The following PIK3CA variants were observed in gnomAD, a reference collection of about 807,000 sequenced individuals.
PIK3CA encodes the protein phosphatidylinositol-4,5-bisphosphate 3-kinase catalytic subunit alpha, also known as phosphatidylinositol 4,5-bisphosphate 3-kinase catalytic subunit alpha isoform.
Under a neutral mutation model 138.2 loss-of-function variants are expected in PIK3CA, and 27 were observed. The observed-to-expected ratio is 0.20, with a 90% CI of 0.14 to 0.27. The LOEUF (loss-of-function observed/expected upper bound fraction) is 0.27, where lower values mean the gene tolerates loss of function less well. Ranked by LOEUF, PIK3CA falls within the 10% of genes least tolerant of loss-of-function variation. The pLI is 1.00. For synonymous variants in PIK3CA, 358 were observed against 413.2 expected, an observed-to-expected ratio of 0.87 and a Z score of 1.62; for missense variants, 544 against 1,277.4, an observed-to-expected ratio of 0.43 and a Z score of 8.75.
At chr3:179,183,377 G>A (rs1723897741) in intron 1 of PIK3CA, among the ~76,000 whole-genome samples, 1 of 151,992 alleles carries the variant, frequency 6.6e-6, no homozygotes, top group African/African-American at 2.4e-5. Context: ...GATAGACTTG[G>A]GGTGTATTCA....
chr3:179,199,733 A>G lies in PIK3CA; in HGVS notation c.396A>G (p.Lys132=). 6.2e-7 allele frequency: 1 copy of G among 1,613,346 alleles called. No homozygotes were observed. The highest frequency in any genetic ancestry group is 8.5e-7 in the Non-Finnish European group (1 of 1,179,414). The change falls in exon 3 of 21, where the codon AAA becomes AAG. Residue 132 remains lysine (K), a synonymous_variant. Transcript: ENST00000263967. ...GMPVCEFDMV[K]DPEVQDFRRN... ...CAGTGTGTGAATTTGATATGGTTAAAGATCCAGAAGTACAGGACTTCCGAA... is the reference window on the plus strand; with the variant it reads ...CAGTGTGTGAATTTGATATGGTTAAGGATCCAGAAGTACAGGACTTCCGAA...
chr3:179,216,791 G>GT (rs1221011089), intron 9 of PIK3CA, among the ~76,000 whole-genome samples: 1 of 151,866 alleles, frequency 6.6e-6, no homozygotes, highest in Non-Finnish European at 1.5e-5. Flanking sequence ...TTATTCTTCT[G>GT]TAAGTTATTT....
chr3:179,148,668 G>T (rs1287970423), intron 1 of PIK3CA, 65 bp downstream of exon 1: 3 of 152,188 alleles, frequency 2.0e-5, no homozygotes, highest in African/African-American at 7.2e-5. Context: ...GGGTGCCGGA[G>T]ACTCCCGGGC....
intron 1 of PIK3CA, among the ~76,000 whole-genome samples, chr3:179,184,303 A>G (rs1723920117): frequency 6.6e-6 from 1 of 152,208 alleles, no homozygotes; most frequent in Non-Finnish European, 1.5e-5. Context: ...TTGTCCTTGC[A>G]ACAGCCAGCT....
At chr3:179,202,233 T>TTTTG (rs557782629) in intron 4 of PIK3CA, among the ~76,000 whole-genome samples, 28 of 152,118 alleles carry the variant, frequency 1.8e-4, no homozygotes, top group South Asian at 1.2e-3. Flanking sequence ...CCCAGCTAAT[T>TTTTG]TTTGTTTGTT....
At chr3:179,221,787 A>C (rs1465403582) in intron 14 of PIK3CA, among the ~76,000 whole-genome samples, 1 of 135,654 alleles carries the variant, frequency 7.4e-6, no homozygotes, top group African/African-American at 2.9e-5. Context: ...GGCTCACTGC[A>C]GCCTTGACCT....
At chr3:179,191,600 G>A (rs1290860648) in intron 1 of PIK3CA, among the ~76,000 whole-genome samples, 1 of 152,068 alleles carries the variant, frequency 6.6e-6, no homozygotes, top group Non-Finnish European at 1.5e-5. Flanking sequence ...GTACAATATC[G>A]ATGTTTTAAA....
chr3:179,153,013 A>G lies in PIK3CA; in HGVS notation c.-77+4410A>G, dbSNP rs1036115076. Among the ~76,000 whole-genome samples the G allele has an allele frequency of 4.6e-5, 7 of 152,162 alleles. No individual in the cohort carries two copies. The South Asian group carries it at 6.2e-4, about 14-fold the overall frequency. The stretch of plus-strand genomic sequence containing the variant: ...CAGACTTCATCATTCTAAAAAAAGG[A>G]AACAAAATTAAGGATGATTTATAAA... On this transcript the variant is annotated intron_variant, in intron 1 of 20. Coordinates refer to ENST00000263967, the MANE Select transcript of PIK3CA (RefSeq NM_006218.4).
chr3:179,208,961 T>C (rs1002840259), intron 6 of PIK3CA, among the ~76,000 whole-genome samples: 1 of 147,794 alleles, frequency 6.8e-6, no homozygotes, highest in African/African-American at 2.5e-5. Flanking sequence ...TGTTTGACTT[T>C]TATGAGCAAA....
intron 1 of PIK3CA, 68 bp downstream of exon 1, chr3:179,148,671 T>G (rs1560118645): frequency 2.0e-5 from 3 of 152,022 alleles, no homozygotes; most frequent in Admixed American, 6.6e-5. Flanking sequence ...TGCCGGAGAC[T>G]CCCGGGCGCG....
In PIK3CA at chr3:179,178,979, A is replaced by G. The variant is rs1439150072; in HGVS notation, c.-76-19771A>G. 2.6e-5 allele frequency among the ~76,000 whole-genome samples: 4 copies of G among 152,202 alleles called. No individual in the cohort carries two copies. In the East Asian group the frequency reaches 5.8e-4, roughly 22 times the overall value. On this transcript the variant is annotated intron_variant, in intron 1 of 20. Coordinates refer to ENST00000263967, the MANE Select transcript of PIK3CA (RefSeq NM_006218.4). The stretch of plus-strand genomic sequence containing the variant: ...AAATTCCAGACTCCCAAAGGAAAGC[A>G]GGTATTAAGCATAAACCATATTGTT...
Position 179,239,225 on chromosome 3 carries a change from A to C in PIK3CA, c.*4861A>C, listed in dbSNP as rs1322148613. 1 of 205,742 alleles carries C rather than the reference A, an allele frequency of 4.9e-6. No individual in the cohort carries two copies. Among genetic ancestry groups the C allele is most frequent in the Non-Finnish European group, 9.9e-6 (1 of 100,676 alleles). The allele number at this position is 205,742 out of a possible 1,614,324, so 12.7% of individuals were successfully genotyped here. A position where few individuals can be genotyped will look rare whatever the true frequency, so the allele number is the denominator to read the frequency against. Reference sequence around the variant, plus strand: ...TAAATGTATTTTTTTAGCCAGTTAAAGTCTATGAATCTATCTGCAACCTTA... The same window carrying C: ...TAAATGTATTTTTTTAGCCAGTTAACGTCTATGAATCTATCTGCAACCTTA... On this transcript the variant is annotated 3_prime_UTR_variant, in exon 21 of 21. Coordinates refer to ENST00000263967, the MANE Select transcript of PIK3CA (RefSeq NM_006218.4).
At chr3:179,209,010 TTA>T (rs1474603024) in intron 6 of PIK3CA, among the ~76,000 whole-genome samples, 11 of 147,634 alleles carry the variant, frequency 7.5e-5, no homozygotes, top group African/African-American at 2.7e-4. Context: ...AAATATATAT[TTA>T]TATTATGTAT....
At chr3:179,149,393 C>G (rs1280125337) in intron 1 of PIK3CA, 1 of 151,986 alleles carries the variant, frequency 6.6e-6, no homozygotes, top group Non-Finnish European at 1.5e-5. Context: ...GACCTCGGCT[C>G]GAGGGGTTTA....
intron 9 of PIK3CA, among the ~76,000 whole-genome samples, chr3:179,212,624 A>G (rs992121401): frequency 4.6e-5 from 7 of 151,700 alleles, no homozygotes; most frequent in Admixed American, 3.9e-4. Context: ...AAAACAAGAG[A>G]GAGATGGGGT....
In PIK3CA at chr3:179,198,921, G is replaced by C. The variant is rs1724335252; in HGVS notation, c.96G>C (p.Val32=). The C allele has an allele frequency of 6.2e-7, 1 of 1,611,884 alleles. No individual in the cohort carries two copies. Among genetic ancestry groups the C allele is most frequent in the Non-Finnish European group, 8.5e-7 (1 of 1,178,970 alleles). ...GTTTACTACCAAATGGAATGATAGT[G>C]ACTTTAGAATGCCTCCGTGAGGCTA... ...VECLLPNGMI[V]TLECLREATL... is the part of the protein sequence containing the mutation. The change falls in exon 2 of 21, where the codon GTG becomes GTC. Residue 32 remains valine, a synonymous_variant. Transcript: ENST00000263967.
intron 1 of PIK3CA, among the ~76,000 whole-genome samples, chr3:179,190,696 C>T (rs112070657): frequency 1.5e-3 from 222 of 152,188 alleles, no homozygotes; most frequent in Non-Finnish European, 2.7e-3. Context: ...TCTCTGTCTC[C>T]TCTGGAGGCT....
At chr3:179,211,779 A>G (rs1724718679) in intron 9 of PIK3CA, among the ~76,000 whole-genome samples, 1 of 152,178 alleles carries the variant, frequency 6.6e-6, no homozygotes, top group Admixed American at 6.5e-5. Context: ...CAGTTCTTGG[A>G]TATTTTTCAT....
chr3:179,208,142 T>A (rs2108397868), intron 6 of PIK3CA, among the ~76,000 whole-genome samples: 1 of 152,334 alleles, frequency 6.6e-6, no homozygotes, highest in South Asian at 2.1e-4. Flanking sequence ...AAATGTGTCT[T>A]GTTTCTATAA....
Sources: allele counts gnomAD v4.1 joint callset (sites outside exome capture counted in the v4.1 genomes callset), GRCh38; gene constraint gnomAD v4.1.1; transcripts MANE v1.5; gene names NCBI Gene and HGNC (gene_info 2026-07-23, HGNC 2026-07-21).